The following CNTNAP3B variants were observed in gnomAD, a reference collection of about 807,000 sequenced individuals.
CNTNAP3B encodes the protein contactin associated protein family member 3B, also known as contactin-associated protein-like 3B.
Under a neutral mutation model 108.9 loss-of-function variants are expected in CNTNAP3B, and 25 were observed. That is an observed-to-expected ratio of 0.23 (90% CI 0.17 to 0.32). CNTNAP3B has a LOEUF of 0.32. Among genes scored for constraint, CNTNAP3B ranks in the 10% least tolerant of loss-of-function variants. The pLI, the probability that CNTNAP3B is intolerant of heterozygous loss-of-function variation, is 1.00. For synonymous variants in CNTNAP3B, 103 were observed against 473.4 expected, an observed-to-expected ratio of 0.22 and a Z score of 10.16; for missense variants, 252 against 1,210.4, an observed-to-expected ratio of 0.21 and a Z score of 11.75.
intron 3 of CNTNAP3B, among the ~76,000 whole-genome samples, chr9:42,071,155 TC>T (rs1827370109): frequency 7.2e-6 from 1 of 139,488 alleles, no homozygotes; most frequent in Non-Finnish European, 1.5e-5. Context: ...AATAATGACT[TC>T]CATAAGGAAA....
intron 13 of CNTNAP3B, among the ~76,000 whole-genome samples, chr9:41,942,050 G>C (rs1317160918): frequency 3.9e-5 from 6 of 152,300 alleles, no homozygotes; most frequent in Admixed American, 3.9e-4. Flanking sequence ...TAGGGGAATG[G>C]AAATACCCAG....
intron 13 of CNTNAP3B, among the ~76,000 whole-genome samples, chr9:41,939,169 A>C (rs917899488): frequency 5.9e-5 from 9 of 152,286 alleles, no homozygotes; most frequent in Non-Finnish European, 1.2e-4. Flanking sequence ...GACTGACAGC[A>C]CATCACAGTA....
chr9:42,126,773 G>T (rs1828580484), intron 1 of CNTNAP3B, among the ~76,000 whole-genome samples: 1 of 136,406 alleles, frequency 7.3e-6, no homozygotes, highest in African/African-American at 2.9e-5. Flanking sequence ...TTTCACCATG[G>T]TGGCCAAGCT....
chr9:42,056,443 C>T (rs1415742362), intron 3 of CNTNAP3B, among the ~76,000 whole-genome samples: 7 of 138,008 alleles, frequency 5.1e-5, no homozygotes, highest in South Asian at 4.7e-4. Context: ...CTCCACCTCC[C>T]GGGTTCACAG....
chr9:42,056,541 G>A (rs1827075573), intron 3 of CNTNAP3B, among the ~76,000 whole-genome samples: 1 of 137,286 alleles, frequency 7.3e-6, no homozygotes, highest in Non-Finnish European at 1.6e-5. Context: ...TAGTAGAGGT[G>A]GGGTTTCACC....
rs538843808 is a variant in CNTNAP3B, at chr9:42,125,699, C to T, written c.85+3311G>A. 2.6e-3 allele frequency among the ~76,000 whole-genome samples: 313 copies of T among 122,560 alleles called. 24 individuals carry two copies. The highest frequency in any genetic ancestry group is 5.1e-3 in the Admixed American group (60 of 11,686). The allele number at this position is 122,560 out of a possible 152,430, so 80.4% of individuals were successfully genotyped here. A position where few individuals can be genotyped will look rare whatever the true frequency, so the allele number is the denominator to read the frequency against. On this transcript the variant is annotated intron_variant, in intron 1 of 23. Coordinates refer to ENST00000377561, the MANE Select transcript of CNTNAP3B (RefSeq NM_001201380.3). ...TTTTTGTTTTTTTTTGAGACAGAGT[C>T]TCACTCCGTCACCCAGGCTGGAGTG...
rs1354937040 is a variant in CNTNAP3B, at chr9:42,042,137, G to T, written c.391-28612C>A. On this transcript the variant is annotated intron_variant, in intron 3 of 23. Coordinates refer to ENST00000377561, the MANE Select transcript of CNTNAP3B (RefSeq NM_001201380.3). The stretch of plus-strand genomic sequence containing the variant: ...TAGGAGATATACCTGATGTAAATGA[G>T]GAGTTAATGGGTGCAGCACACCAAC... 3.5e-5 allele frequency among the ~76,000 whole-genome samples: 5 copies of T among 141,544 alleles called. No individual in the cohort carries two copies. In the East Asian group the frequency reaches 6.3e-4, roughly 18 times the overall value. The allele number at this position is 141,544 out of a possible 152,430, so 92.9% of individuals were successfully genotyped here. A position where few individuals can be genotyped will look rare whatever the true frequency, so the allele number is the denominator to read the frequency against.
intron 3 of CNTNAP3B, among the ~76,000 whole-genome samples, chr9:42,055,427 C>A (rs1188579308): frequency 4.7e-4 from 68 of 143,712 alleles, no homozygotes; most frequent in Non-Finnish European, 9.0e-5. Flanking sequence ...CTCAAGGCTG[C>A]ATGCTATTCC....
chr9:42,076,287 G>A (rs1286096517), intron 3 of CNTNAP3B, among the ~76,000 whole-genome samples: 3 of 125,894 alleles, frequency 2.4e-5, no homozygotes, highest in East Asian at 2.5e-4. Flanking sequence ...TTAGCCAAGT[G>A]TGGTGGCACA....
At chr9:42,094,172 TA>T (rs1263568476) in intron 2 of CNTNAP3B, among the ~76,000 whole-genome samples, 1 of 138,886 alleles carries the variant, frequency 7.2e-6, no homozygotes, top group African/African-American at 2.9e-5. Flanking sequence ...AAACACCTAG[TA>T]AGCACACTGG....
chr9:42,095,352 C>G (rs1036007711), intron 2 of CNTNAP3B, among the ~76,000 whole-genome samples: 1 of 138,898 alleles, frequency 7.2e-6, no homozygotes, highest in Non-Finnish European at 1.5e-5. Flanking sequence ...TCAGAGTTCC[C>G]TGCATCACGG....
At chr9:41,944,334 TACTA>T (rs1179658560) in intron 13 of CNTNAP3B, among the ~76,000 whole-genome samples, 1 of 145,732 alleles carries the variant, frequency 6.9e-6, no homozygotes, top group Non-Finnish European at 1.5e-5. Context: ...CTCTAAATAA[TACTA>T]ACAATGTATT....
intron 12 of CNTNAP3B, among the ~76,000 whole-genome samples, chr9:41,954,097 C>T (rs1348074742): frequency 2.6e-5 from 4 of 152,182 alleles, no homozygotes; most frequent in Non-Finnish European, 4.4e-5. Flanking sequence ...AACAATGGAC[C>T]TCCCACCAGA....
chr9:42,077,414 G>A (rs1378966076), intron 2 of CNTNAP3B, among the ~76,000 whole-genome samples: 2 of 137,528 alleles, frequency 1.5e-5, no homozygotes, highest in South Asian at 2.4e-4. Context: ...CCAGTAGTAG[G>A]AAGTACAGTA....
At chr9:42,030,802 A>AG (rs1295243418) in intron 3 of CNTNAP3B, among the ~76,000 whole-genome samples, 2 of 85,174 alleles carry the variant, frequency 2.3e-5, no homozygotes, top group African/African-American at 9.9e-5. Context: ...CGAGAGAGAG[A>AG]GAGAGAGAGA....
intron 14 of CNTNAP3B, among the ~76,000 whole-genome samples, chr9:41,936,787 A>C (rs1390991134): frequency 1.5e-3 from 223 of 151,510 alleles, no homozygotes; most frequent in African/African-American, 5.2e-3. Flanking sequence ...TTAAGATTGC[A>C]TATCAAAATA....
At position 42,071,527 on chromosome 9, in the gene CNTNAP3B, G is replaced by T. The variant is rs1827378972; in HGVS notation, c.390+5342C>A. Among the ~76,000 whole-genome samples, 2 of 137,448 alleles carry T rather than the reference G, an allele frequency of 1.5e-5. 1 individual carries two copies. Among genetic ancestry groups the T allele is most frequent in the Non-Finnish European group, 3.1e-5 (2 of 64,164 alleles). 90.2% of individuals were successfully genotyped at this position (137,448 alleles called of 152,430 possible). On this transcript the variant is annotated intron_variant, in intron 3 of 23. Coordinates refer to ENST00000377561, the MANE Select transcript of CNTNAP3B (RefSeq NM_001201380.3). Reference sequence around the variant, plus strand: ...ATAAGGTCAGTTCTTTATTGAAAATGACTACATTCATATGGTGCATAAAAT... The same window carrying T: ...ATAAGGTCAGTTCTTTATTGAAAATTACTACATTCATATGGTGCATAAAAT...
At position 42,117,387 on chromosome 9, in the gene CNTNAP3B, G is replaced by A. The variant is rs558999172; in HGVS notation, c.85+11623C>T. On this transcript the variant is annotated intron_variant, in intron 1 of 23. Coordinates refer to ENST00000377561, the MANE Select transcript of CNTNAP3B (RefSeq NM_001201380.3). The stretch of plus-strand genomic sequence containing the variant: ...TTAAGAAACTCACTCAAAACTGCTC[G>A]ACTACATGGAAACTGAACAACCTGC... 4.8e-3 allele frequency among the ~76,000 whole-genome samples: 640 copies of A among 132,762 alleles called. 35 individuals are homozygous for A. Among genetic ancestry groups the A allele is most frequent in the African/African-American group, 0.018 (602 of 32,672 alleles). The allele number at this position is 132,762 out of a possible 152,430, so 87.1% of individuals were successfully genotyped here. A position where few individuals can be genotyped will look rare whatever the true frequency, so the allele number is the denominator to read the frequency against.
chr9:41,941,956 T>G (rs1587127174), intron 13 of CNTNAP3B, among the ~76,000 whole-genome samples: 1 of 152,362 alleles, frequency 6.6e-6, no homozygotes, highest in East Asian at 1.9e-4. Flanking sequence ...GAGAAAACAT[T>G]TTTGAAATAA....
Sources: gnomAD v4.1 joint callset for allele counts (sites outside exome capture counted in the v4.1 genomes callset) on GRCh38, gnomAD v4.1.1 for gene constraint, MANE v1.5 for transcripts, NCBI Gene and HGNC (gene_info 2026-07-23, HGNC 2026-07-21) for gene names.